The following CSGALNACT2 variants were observed in gnomAD, a reference collection of about 807,000 sequenced individuals.
CSGALNACT2 encodes beta 4 GalNAcT-2.
In CSGALNACT2, 35 loss-of-function variants were observed where a neutral mutation model predicts 55.3. The ratio of observed to expected loss-of-function variants is 0.63; its 90% CI spans 0.48 to 0.84. The LOEUF is 0.84. CSGALNACT2 is among the 40% of genes least tolerant of loss of function. The pLI is 0.00. For missense variants in CSGALNACT2, 544 were observed against 657.5 expected (o/e 0.83, Z 1.89); for synonymous variants, 196 against 224.9 (o/e 0.87, Z 1.15).
intron 1 of CSGALNACT2, among the ~76,000 whole-genome samples, chr10:43,153,228 G>T (rs530418906): frequency 8.6e-5 from 13 of 151,696 alleles, no homozygotes; most frequent in African/African-American, 2.2e-4. Context: ...CCAGCTACTC[G>T]GGAGGCTGAG....
At position 43,155,117 on chromosome 10, in the gene CSGALNACT2, C is replaced by A; in HGVS notation, c.-33C>A. On this transcript the variant is annotated 5_prime_UTR_variant, in exon 2 of 8. Coordinates refer to ENST00000374466, the MANE Select transcript of CSGALNACT2 (RefSeq NM_018590.5). Reference sequence around the variant, plus strand: ...ACTAAAGGTATGAACACACAAAGAGCTTATTTTGTTAGGCAAATACACATT... The same window carrying A: ...ACTAAAGGTATGAACACACAAAGAGATTATTTTGTTAGGCAAATACACATT... The A allele has an allele frequency of 6.5e-7, 1 of 1,537,262 alleles. No homozygotes were observed. The highest frequency in any genetic ancestry group is 8.9e-7 in the Non-Finnish European group (1 of 1,121,384).
chr10:43,168,527 C>A (rs749178116), intron 6 of CSGALNACT2, among the ~76,000 whole-genome samples: 1 of 152,052 alleles, frequency 6.6e-6, no homozygotes, highest in Non-Finnish European at 1.5e-5. Context: ...CAAAAAGTTA[C>A]CCTGTAGGTA....
At chr10:43,174,028 T>A (rs1839433086) in intron 6 of CSGALNACT2, among the ~76,000 whole-genome samples, 2 of 152,152 alleles carry the variant, frequency 1.3e-5, no homozygotes, top group Admixed American at 1.3e-4. Context: ...GTCTTCATTT[T>A]GCCACTAAAA....
At position 43,160,481 on chromosome 10, in the gene CSGALNACT2, T is replaced by A; in HGVS notation, c.879-13T>A. The A allele has an allele frequency of 7.4e-7, 1 of 1,353,766 alleles. No individual in the cohort carries two copies. The highest frequency in any genetic ancestry group is 1.0e-6 in the Non-Finnish European group (1 of 960,128). 83.9% of individuals were successfully genotyped at this position (1,353,766 alleles called of 1,614,324 possible). On this transcript the variant is annotated splice_polypyrimidine_tract_variant and intron_variant, in intron 3 of 7. Coordinates refer to ENST00000374466, the MANE Select transcript of CSGALNACT2 (RefSeq NM_018590.5). ...GTTTTCTTGAATAAACTTTTATTTT[T>A]CACTTCTGTTAGGGATGTTTGTATT...
intron 4 of CSGALNACT2, chr10:43,162,740 T>G (rs1297963436): frequency 1.0e-6 from 1 of 963,332 alleles, no homozygotes; most frequent in Non-Finnish European, 1.2e-6. Flanking sequence ...CCAGGAGGAC[T>G]TGTGAAAATG....
At chr10:43,165,776 A>G (rs898224941) in intron 5 of CSGALNACT2, among the ~76,000 whole-genome samples, 1 of 152,178 alleles carries the variant, frequency 6.6e-6, no homozygotes, top group Admixed American at 6.5e-5. Flanking sequence ...GGATCACCTC[A>G]GTCGGGAGTT....
At chr10:43,139,588 C>A (rs1358828822) in intron 1 of CSGALNACT2, among the ~76,000 whole-genome samples, 1 of 152,200 alleles carries the variant, frequency 6.6e-6, no homozygotes, top group Non-Finnish European at 1.5e-5. Context: ...CCCTGTGGAA[C>A]CACCAGATAT....
Position 43,185,040 on chromosome 10 carries a change from T to G in CSGALNACT2, c.*1498T>G, listed in dbSNP as rs1312653044. On this transcript the variant is annotated 3_prime_UTR_variant, in exon 8 of 8. Coordinates refer to ENST00000374466, the MANE Select transcript of CSGALNACT2 (RefSeq NM_018590.5). ...TGTGAAATGTTCTCTGCAAAATAAT[T>G]CAGGCCACTGTCTCCTTTTATATAT... 6.6e-6 allele frequency: 1 copy of G among 152,064 alleles called. No individual in the cohort carries two copies. The highest frequency in any genetic ancestry group is 1.5e-5 in the Non-Finnish European group (1 of 67,990). 9.4% of individuals were successfully genotyped at this position (152,064 alleles called of 1,614,324 possible).
intron 3 of CSGALNACT2, among the ~76,000 whole-genome samples, chr10:43,159,854 T>C (rs1839106638): frequency 6.6e-6 from 1 of 152,258 alleles, no homozygotes; most frequent in Admixed American, 6.5e-5. Context: ...TTTGATATAC[T>C]GGTTTAATGC....
intron 7 of CSGALNACT2, among the ~76,000 whole-genome samples, chr10:43,182,894 AAAAG>A (rs1839617417): frequency 6.6e-6 from 1 of 152,098 alleles, no homozygotes; most frequent in South Asian, 2.1e-4. Context: ...AACAAAAAAA[AAAAG>A]AAAACATAAA....
At chr10:43,170,895 T>C (rs945633058) in intron 6 of CSGALNACT2, among the ~76,000 whole-genome samples, 2 of 152,176 alleles carry the variant, frequency 1.3e-5, no homozygotes, top group African/African-American at 4.8e-5. Context: ...CAAGCCCACA[T>C]TGAGGAGCAT....
chr10:43,177,792 G>C (rs1839509610), intron 7 of CSGALNACT2, among the ~76,000 whole-genome samples: 1 of 152,190 alleles, frequency 6.6e-6, no homozygotes, highest in African/African-American at 2.4e-5. Context: ...CCAGGACTCT[G>C]GCTGGGTCAT....
At chr10:43,138,929 G>C (rs1239595720) in intron 1 of CSGALNACT2, among the ~76,000 whole-genome samples, 1 of 152,240 alleles carries the variant, frequency 6.6e-6, no homozygotes, top group Non-Finnish European at 1.5e-5. Flanking sequence ...GTAGATGGCA[G>C]AGCGAGCGCC....
intron 7 of CSGALNACT2, 135 bp from the exon 8 acceptor site, chr10:43,183,115 T>C: frequency 1.4e-6 from 1 of 690,990 alleles, no homozygotes; most frequent in South Asian, 1.9e-5. Context: ...CACTCCTCCA[T>C]GCCAGGTGTC....
intron 1 of CSGALNACT2, among the ~76,000 whole-genome samples, chr10:43,148,258 A>G (rs73254051): frequency 1.6e-3 from 237 of 152,274 alleles, no homozygotes; most frequent in African/African-American, 5.6e-3. Context: ...CTATATGTCT[A>G]TTTCTATGCC....
chr10:43,167,323 TTTAGGTCATAAAGGAAAACCTCATG>T lies in CSGALNACT2; in HGVS notation c.1254+227_1254+251del, dbSNP rs370497594. 6.2e-4 allele frequency among the ~76,000 whole-genome samples: 95 copies of T among 152,294 alleles called. 1 individual carries two copies. Among genetic ancestry groups the T allele is most frequent in the Middle Eastern group, 3.4e-3 (1 of 294 alleles). The stretch of plus-strand genomic sequence containing the variant: ...AGAATTAAGTGTAGGGGGAGCAGAG[TTTAGGTCATAAAGGAAAACCTCATG>T]TCCCAGAATGTGGAAATTGTACAGT... On this transcript the variant is annotated intron_variant, in intron 6 of 7. Transcript: ENST00000374466.
At chr10:43,165,846 G>A (rs1016897435) in intron 5 of CSGALNACT2, among the ~76,000 whole-genome samples, 76 of 152,172 alleles carry the variant, frequency 5.0e-4, no homozygotes, top group African/African-American at 1.7e-3. Flanking sequence ...GCCAGGCGTG[G>A]TGGCTTGTTC....
chr10:43,169,389 G>A (rs1839340760), intron 6 of CSGALNACT2, among the ~76,000 whole-genome samples: 1 of 152,158 alleles, frequency 6.6e-6, no homozygotes, highest in South Asian at 2.1e-4. Flanking sequence ...CAGATAGAAA[G>A]TAATTTTAAA....
In CSGALNACT2 at chr10:43,155,558, G is replaced by T; in HGVS notation, c.409G>T (p.Ala137Ser). Residue 137 changes from alanine to serine, a missense_variant, in exon 2 of 8, where the codon GCC (alanine) becomes TCC (serine). By Grantham distance (99) the Ala-to-Ser change is moderately conservative. Transcript: ENST00000374466. Reference protein sequence around the residue: ...QIDKAEVSIGAKLPSEYGVIP... With the variant: ...QIDKAEVSIGSKLPSEYGVIP... The stretch of plus-strand genomic sequence containing the variant: ...TGACAAAGCTGAAGTTAGCATAGGG[G>T]CCAAACTACCCAGTGAGTATGGGGT... The T allele has an allele frequency of 6.2e-7, 1 of 1,614,176 alleles. No individual in the cohort carries two copies. The highest frequency in any genetic ancestry group is 8.5e-7 in the Non-Finnish European group (1 of 1,180,024).
Sources: gnomAD v4.1 joint callset for allele counts (sites outside exome capture counted in the v4.1 genomes callset) on GRCh38, gnomAD v4.1.1 for gene constraint, MANE v1.5 for transcripts, NCBI Gene and HGNC (gene_info 2026-07-23, HGNC 2026-07-21) for gene names.